The following LRMDA variants were observed in gnomAD, a reference collection of about 807,000 sequenced individuals.
LRMDA encodes the protein leucine rich melanocyte differentiation associated.
A neutral mutation model predicts 29.8 loss-of-function variants in LRMDA; 18 were observed. The ratio of observed to expected loss-of-function variants is 0.60; its 90% CI spans 0.42 to 0.90. LRMDA has a LOEUF of 0.90. LRMDA is among the 40% of genes least tolerant of loss of function. The pLI is 0.00. For missense variants in LRMDA, 273 were observed against 273.9 expected (o/e 1.00, Z 0.02); for synonymous variants, 125 against 109.4 (o/e 1.14, Z -0.89).
intron 2 of LRMDA, among the ~76,000 whole-genome samples, chr10:75,988,190 T>C (rs1847295623): frequency 6.6e-6 from 1 of 152,134 alleles, no homozygotes; most frequent in African/African-American, 2.4e-5. Context: ...AATTTTGTTT[T>C]CATTTTTAAT....
At chr10:75,802,335 GCA>G (rs10571839) in intron 2 of LRMDA, among the ~76,000 whole-genome samples, 51,601 of 146,872 alleles carry the variant, frequency 0.35, 10,176 homozygotes, top group Non-Finnish European at 0.46. Context: ...ACACACACGC[GCA>G]CACACACACA....
intron 6 of LRMDA, among the ~76,000 whole-genome samples, chr10:76,412,979 A>G (rs756479358): frequency 1.3e-5 from 2 of 151,984 alleles, no homozygotes; most frequent in Non-Finnish European, 2.9e-5. Flanking sequence ...TCTCCTGGTC[A>G]GCAATCCAAC....
intron 2 of LRMDA, among the ~76,000 whole-genome samples, chr10:75,511,682 G>A (rs1695174003): frequency 6.6e-6 from 1 of 152,166 alleles, no homozygotes; most frequent in Non-Finnish European, 1.5e-5. Context: ...TTTTTAACCA[G>A]TTGAACCAGG....
In LRMDA at chr10:76,555,766, C is replaced by CAAA. The variant is rs60428922; in HGVS notation, c.602-1423_602-1421dup. On this transcript the variant is annotated intron_variant, in intron 6 of 6. Coordinates refer to ENST00000611255, the MANE Select transcript of LRMDA (RefSeq NM_001305581.2). ...AAGTGCTAATTTATCACAAATTAAC[C>CAAA]AAAAAAAAAAAAAAAAAAAAAATGG... is the stretch of plus-strand genomic sequence containing the variant. 1.5e-4 allele frequency among the ~76,000 whole-genome samples: 19 copies of CAAA among 124,830 alleles called. No individual in the cohort carries two copies. In the East Asian group the frequency reaches 1.7e-3, roughly 11 times the overall value. 81.9% of individuals were successfully genotyped at this position (124,830 alleles called of 152,430 possible).
chr10:75,868,682 G>T (rs188751399), intron 2 of LRMDA, among the ~76,000 whole-genome samples: 1 of 152,192 alleles, frequency 6.6e-6, no homozygotes, highest in South Asian at 2.1e-4. Flanking sequence ...TCTCCCGCTT[G>T]TTTAGCGATT....
chr10:76,444,387 A>G (rs1842333014), intron 6 of LRMDA, among the ~76,000 whole-genome samples: 1 of 152,184 alleles, frequency 6.6e-6, no homozygotes, highest in Admixed American at 6.5e-5. Flanking sequence ...GAAGTGAGTA[A>G]TGAGAGCTGG....
intron 6 of LRMDA, among the ~76,000 whole-genome samples, chr10:76,491,785 CCTCCT>C (rs1842836062): frequency 6.6e-6 from 1 of 152,034 alleles, no homozygotes; most frequent in South Asian, 2.1e-4. Flanking sequence ...TCTTTCTCTA[CCTCCT>C]CTTTAAGGCC....
intron 2 of LRMDA, among the ~76,000 whole-genome samples, chr10:75,854,343 G>T (rs986614081): frequency 3.9e-5 from 6 of 151,950 alleles, no homozygotes; most frequent in African/African-American, 1.5e-4. Flanking sequence ...CATATGTCCT[G>T]GTTTCCCTGG....
chr10:76,541,144 G>A (rs959535850), intron 6 of LRMDA, among the ~76,000 whole-genome samples: 2 of 152,104 alleles, frequency 1.3e-5, no homozygotes, highest in African/African-American at 4.8e-5. Flanking sequence ...GGGTATCCAG[G>A]GATCTTCTAG....
intron 6 of LRMDA, among the ~76,000 whole-genome samples, chr10:76,414,408 C>G (rs537637380): frequency 7.9e-5 from 12 of 152,286 alleles, no homozygotes; most frequent in African/African-American, 2.6e-4. Flanking sequence ...GAATGCCCAT[C>G]CTTTCTTTTT....
intron 5 of LRMDA, among the ~76,000 whole-genome samples, chr10:76,272,968 A>G (rs1840086855): frequency 6.6e-6 from 1 of 152,160 alleles, no homozygotes; most frequent in South Asian, 2.1e-4. Flanking sequence ...CTCCTTCAAC[A>G]TGTGGGGATT....
intron 5 of LRMDA, among the ~76,000 whole-genome samples, chr10:76,256,860 G>C (rs1428019612): frequency 1.3e-5 from 2 of 152,122 alleles, no homozygotes; most frequent in Non-Finnish European, 2.9e-5. Context: ...CAGTGGTTTG[G>C]AATATTAGAG....
At chr10:75,564,199 C>T (rs1450203693) in intron 2 of LRMDA, among the ~76,000 whole-genome samples, 1 of 152,162 alleles carries the variant, frequency 6.6e-6, no homozygotes, top group African/African-American at 2.4e-5. Context: ...GTTGGAGCTT[C>T]CCGGCTGCTT....
At chr10:75,936,409 A>G (rs926300156) in intron 2 of LRMDA, among the ~76,000 whole-genome samples, 1 of 152,188 alleles carries the variant, frequency 6.6e-6, no homozygotes, top group Non-Finnish European at 1.5e-5. Context: ...TCTTCCTGGT[A>G]TATAATTCCA....
intron 2 of LRMDA, among the ~76,000 whole-genome samples, chr10:75,811,987 T>A (rs1271123697): frequency 6.6e-6 from 1 of 152,160 alleles, no homozygotes; most frequent in Non-Finnish European, 1.5e-5. Context: ...ATGCCCACCC[T>A]GGATTTTCTT....
chr10:75,794,187 A>G (rs1381956433), intron 2 of LRMDA, among the ~76,000 whole-genome samples: 10 of 152,250 alleles, frequency 6.6e-5, no homozygotes, highest in East Asian at 3.8e-4. Flanking sequence ...TAAAATTTAC[A>G]TAGAGTGAAA....
At chr10:76,506,542 C>A (rs79806075) in intron 6 of LRMDA, among the ~76,000 whole-genome samples, 1,568 of 152,192 alleles carry the variant, frequency 0.01, 35 homozygotes, top group African/African-American at 0.035. Flanking sequence ...CTTGTATTTG[C>A]AGCTATCTGC....
chr10:76,145,871 A>T (rs1334931409), intron 5 of LRMDA, among the ~76,000 whole-genome samples: 2 of 150,918 alleles, frequency 1.3e-5, no homozygotes, highest in Non-Finnish European at 2.9e-5. Flanking sequence ...AATGTGTCCC[A>T]GAGATTCTGG....
In LRMDA at chr10:76,329,088, G is replaced by A. The variant is rs749697550; in HGVS notation, c.601+4603G>A. Among the ~76,000 whole-genome samples the A allele has an allele frequency of 4.5e-4, 68 of 152,156 alleles. 1 individual carries two copies. Among genetic ancestry groups the A allele is most frequent in the Non-Finnish European group, 8.4e-4 (57 of 68,026 alleles). On this transcript the variant is annotated intron_variant, in intron 6 of 6. Coordinates refer to ENST00000611255, the MANE Select transcript of LRMDA (RefSeq NM_001305581.2). ...TCACCTGGAGACTGTTTCAGTCATT[G>A]CTGTTATCCATGCGTTGCCCTGCTC...
Sources: gnomAD v4.1 joint callset for allele counts (sites outside exome capture counted in the v4.1 genomes callset) on GRCh38, gnomAD v4.1.1 for gene constraint, MANE v1.5 for transcripts, NCBI Gene and HGNC (gene_info 2026-07-23, HGNC 2026-07-21) for gene names.